The following NFIL3 variants were observed in gnomAD, a reference collection of about 807,000 sequenced individuals.
NFIL3 encodes nuclear factor interleukin-3-regulated protein.
In NFIL3, 5 loss-of-function variants were observed where a neutral mutation model predicts 10.0. That is an observed-to-expected ratio of 0.50 (90% CI 0.26 to 1.06). The LOEUF (loss-of-function observed/expected upper bound fraction) is 1.06, where lower values mean the gene tolerates loss of function less well. Among genes scored for constraint, NFIL3 ranks in the 50% least tolerant of loss-of-function variants. NFIL3 has a pLI of 0.13. For synonymous variants in NFIL3, 202 were observed against 206.5 expected (o/e 0.98, Z 0.19); for missense variants, 436 against 547.6 (o/e 0.80, Z 2.03).
At chr9:91,415,264 G>C (rs931570296) in intron 1 of NFIL3, among the ~76,000 whole-genome samples, 1 of 152,182 alleles carries the variant, frequency 6.6e-6, no homozygotes, top group Non-Finnish European at 1.5e-5. Flanking sequence ...TTGTCATGGA[G>C]ATAATAACAA....
the NFIL3 span, among the ~76,000 whole-genome samples, chr9:91,442,537 C>G: frequency 6.6e-6 from 1 of 152,130 alleles, no homozygotes; most frequent in African/African-American, 2.4e-5. Flanking sequence ...CAAGGGCGAG[C>G]CAGGCGCAGA....
At chr9:91,481,087 T>C in the NFIL3 span, among the ~76,000 whole-genome samples, 1 of 152,230 alleles carries the variant, frequency 6.6e-6, no homozygotes, top group Non-Finnish European at 1.5e-5. Context: ...TTTTAAAAGT[T>C]AAATAACACA....
chr9:91,471,459 C>T, the NFIL3 span, among the ~76,000 whole-genome samples: 1 of 145,614 alleles, frequency 6.9e-6, no homozygotes, highest in African/African-American at 2.5e-5. Flanking sequence ...TGGGTCTTGA[C>T]TCTTTATCCA....
At chr9:91,444,497 G>T in the NFIL3 span, among the ~76,000 whole-genome samples, 1 of 151,892 alleles carries the variant, frequency 6.6e-6, no homozygotes, top group Non-Finnish European at 1.5e-5. Flanking sequence ...TATTTCCTTC[G>T]TTTTTTGTGT....
chr9:91,459,730 T>C, the NFIL3 span, among the ~76,000 whole-genome samples: 214 of 152,264 alleles, frequency 1.4e-3, 2 homozygotes, highest in South Asian at 5.6e-3. Flanking sequence ...TATTTGTTTA[T>C]GTATTTACTT....
chr9:91,409,427 C>A lies in NFIL3; in HGVS notation c.1308G>T (p.Gly436=), dbSNP rs1833494197. Reference sequence around the variant, plus strand: ...CAACCTCTGCAGATAAGTTTGCTATCCCCTGCTTCAAATACAAGTTCTCTG... The same window carrying A: ...CAACCTCTGCAGATAAGTTTGCTATACCCTGCTTCAAATACAAGTTCTCTG... ...SDPENLYLKQ[G]IANLSAEVVS... The change falls in exon 2 of 2, where the codon GGG becomes GGT. Residue 436 remains glycine, a synonymous_variant. Transcript: ENST00000297689. The A allele has an allele frequency of 6.2e-7, 1 of 1,613,994 alleles. No homozygotes were observed. The highest frequency in any genetic ancestry group is 8.5e-7 in the Non-Finnish European group (1 of 1,179,962).
chr9:91,465,374 T>C, the NFIL3 span, among the ~76,000 whole-genome samples: 29 of 152,286 alleles, frequency 1.9e-4, no homozygotes, highest in African/African-American at 6.7e-4. Context: ...GTATTGTGTA[T>C]ACTGGTGAGC....
At chr9:91,413,542 C>T (rs531467542) in intron 1 of NFIL3, among the ~76,000 whole-genome samples, 4 of 152,284 alleles carry the variant, frequency 2.6e-5, no homozygotes, top group East Asian at 1.9e-4. Context: ...TGAGCCACCA[C>T]GCCCGGCCAA....
the NFIL3 span, among the ~76,000 whole-genome samples, chr9:91,446,292 T>C: frequency 6.6e-6 from 1 of 152,222 alleles, no homozygotes; most frequent in Non-Finnish European, 1.5e-5. Flanking sequence ...TTCCTTCCCT[T>C]CTCTACGTAG....
chr9:91,455,847 CTGAT>C, the NFIL3 span, among the ~76,000 whole-genome samples: 1 of 152,170 alleles, frequency 6.6e-6, no homozygotes, highest in Admixed American at 6.6e-5. Context: ...TAGCCAAGGT[CTGAT>C]TGCAAAAATT....
chr9:91,437,761 T>C, the NFIL3 span, among the ~76,000 whole-genome samples: 1 of 152,248 alleles, frequency 6.6e-6, no homozygotes, highest in Non-Finnish European at 1.5e-5. Context: ...AGATCATGTA[T>C]TTTTGTGTGT....
the NFIL3 span, among the ~76,000 whole-genome samples, chr9:91,471,271 G>A: frequency 1.3e-5 from 2 of 151,610 alleles, no homozygotes; most frequent in African/African-American, 2.4e-5. Flanking sequence ...TTACCATTAT[G>A]TAATGGCCTT....
rs142483577 is a variant in NFIL3, at chr9:91,410,228, C to T, written c.507G>A (p.Ser169=). Residue 169 remains serine, a synonymous_variant, in exon 2 of 2, where the codon TCG becomes TCA. Coordinates refer to ENST00000297689, the MANE Select transcript of NFIL3 (RefSeq NM_005384.3). This position sits in a 1 kb window ranked among gnomAD's most constrained non-coding sequence, Gnocchi z 5.7. The stretch of plus-strand genomic sequence containing the variant: ...CAGAAATACAACTACTTGACACCAT[C>T]GAGGGTTCGTGCTCGTCCACAAATG... ...VSSFVDEHEP[S]MVSSSCISVI... is the part of the protein sequence containing the mutation. 4.0e-5 allele frequency: 65 copies of T among 1,613,924 alleles called. No homozygotes were observed. Among genetic ancestry groups the T allele is most frequent in the Non-Finnish European group, 5.3e-5 (63 of 1,179,988 alleles).
the NFIL3 span, among the ~76,000 whole-genome samples, chr9:91,478,936 C>T: frequency 1.3e-5 from 2 of 152,146 alleles, no homozygotes; most frequent in African/African-American, 2.4e-5. Flanking sequence ...TGCTGGAGGT[C>T]CACTCCAGAC....
intron 1 of NFIL3, among the ~76,000 whole-genome samples, chr9:91,413,502 C>G (rs982494004): frequency 6.6e-6 from 1 of 152,172 alleles, no homozygotes; most frequent in Admixed American, 6.5e-5. Context: ...TTGCCTGCCT[C>G]GGACTCCCAA....
chr9:91,419,587 G>T (rs1456167928), intron 1 of NFIL3, among the ~76,000 whole-genome samples: 3 of 152,206 alleles, frequency 2.0e-5, no homozygotes, highest in Non-Finnish European at 4.4e-5. Flanking sequence ...TCCCCATCTG[G>T]TTTTCAGGCT....
chr9:91,421,205 C>T (rs1179447077), intron 1 of NFIL3, among the ~76,000 whole-genome samples: 5 of 152,034 alleles, frequency 3.3e-5, no homozygotes, highest in Non-Finnish European at 2.9e-5. Context: ...CTCCGGGTCG[C>T]CCGCGCTGCC....
the NFIL3 span, among the ~76,000 whole-genome samples, chr9:91,441,271 CTT>C: frequency 2.6e-5 from 4 of 151,900 alleles, no homozygotes; most frequent in African/African-American, 7.2e-5. Context: ...TTTTTTGTCT[CTT>C]GTGACAGATT....
At chr9:91,461,265 C>T in the NFIL3 span, among the ~76,000 whole-genome samples, 1 of 152,032 alleles carries the variant, frequency 6.6e-6, no homozygotes, top group African/African-American at 2.4e-5. Flanking sequence ...AGGAAAATGC[C>T]CTTAGGAAAA....
Sources: allele counts gnomAD v4.1 joint callset (sites outside exome capture counted in the v4.1 genomes callset), GRCh38; gene constraint gnomAD v4.1.1; non-coding constraint Gnocchi (gnomAD v3.1); transcripts MANE v1.5; gene names NCBI Gene and HGNC (gene_info 2026-07-23, HGNC 2026-07-21).